APPL1: variants seen among roughly 807,000 people sequenced by gnomAD.
APPL1 encodes adaptor protein, phosphotyrosine interacting with PH domain and leucine zipper 1, also known as DCC-interacting protein 13-alpha.
Under a neutral mutation model 106.8 loss-of-function variants are expected in APPL1, and 42 were observed. The observed-to-expected ratio is 0.39, with a 90% CI of 0.31 to 0.51. The LOEUF (loss-of-function observed/expected upper bound fraction) is 0.51. APPL1 is among the 20% of genes least tolerant of loss of function. The pLI, the probability that APPL1 is intolerant of heterozygous loss-of-function variation, is 0.75. For missense variants in APPL1, 769 were observed against 858.2 expected (o/e 0.90, Z 1.30); for synonymous variants, 263 against 281.8 (o/e 0.93, Z 0.67).
At chr3:57,249,252 T>A in intron 10 of APPL1, 108 bp from the exon 11 acceptor site, 2 of 1,037,066 alleles carry the variant, frequency 1.9e-6, no homozygotes, top group Non-Finnish European at 1.4e-6. Context: ...GGCATCTTGG[T>A]GCCTCTTCGC....
At chr3:57,227,977 G>C in intron 1 of APPL1, 40 bp downstream of exon 1, 1 of 1,399,114 alleles carries the variant, frequency 7.1e-7, no homozygotes, top group African/African-American at 1.5e-5. Flanking sequence ...GGAGAGCCCA[G>C]CTGGCCGACC....
At position 57,227,733 on chromosome 3, in the gene APPL1, G is replaced by T. The variant is rs113307246; in HGVS notation, c.-151G>T. ...GCCGAGGGGGCGGGATTTCCCGCAC[G>T]GCCGCTCGGCGCCTGGAGAAGGCTG... On this transcript the variant is annotated 5_prime_UTR_variant, in exon 1 of 22. Transcript: ENST00000288266. 5.0e-6 allele frequency: 3 copies of T among 599,538 alleles called. No homozygotes were observed. Among genetic ancestry groups the T allele is most frequent in the African/African-American group, 2.0e-5 (1 of 51,078 alleles). The allele number at this position is 599,538 out of a possible 1,614,324, so 37.1% of individuals were successfully genotyped here. A position where few individuals can be genotyped will look rare whatever the true frequency, so the allele number is the denominator to read the frequency against.
In APPL1 at chr3:57,249,541, G is replaced by A; in HGVS notation, c.1045G>A (p.Gly349Arg). ...TTGTTTTCAGATCACCTCTTTCGAT[G>A]GAAAAAAGTTAGTATTTTTTTTCTA... ...RYCFQITSFD[G>R]KKSSILQAES... Residue 349 changes from glycine to arginine, a missense_variant, in exon 11 of 22, where the codon GGA (glycine) becomes AGA (arginine). Transcript: ENST00000288266. 1.3e-6 allele frequency: 2 copies of A among 1,557,800 alleles called. No homozygotes were observed. The highest frequency in any genetic ancestry group is 2.1e-5 in the Admixed American group (1 of 48,032).
At chr3:57,239,600 C>T (rs1364670714) in intron 4 of APPL1, among the ~76,000 whole-genome samples, 4 of 152,036 alleles carry the variant, frequency 2.6e-5, no homozygotes, top group African/African-American at 9.7e-5. Flanking sequence ...TTAACTAGTT[C>T]AAATAATGTT....
intron 15 of APPL1, 37 bp from the exon 16 acceptor site, chr3:57,258,991 C>G (rs369566048): frequency 3.3e-6 from 5 of 1,498,980 alleles, no homozygotes; most frequent in Non-Finnish European, 4.6e-6. Flanking sequence ...CTCATGGTAA[C>G]TGACCATGTG....
chr3:57,246,676 G>T (rs1318423937), intron 8 of APPL1, among the ~76,000 whole-genome samples: 1 of 152,100 alleles, frequency 6.6e-6, no homozygotes, highest in Non-Finnish European at 1.5e-5. Flanking sequence ...GGTAGTATAA[G>T]ACAAAGTGTC....
Position 57,242,911 on chromosome 3 carries a change from C to G in APPL1, c.471C>G (p.Asp157Glu), listed in dbSNP as rs1353676664. The G allele has an allele frequency of 1.9e-6, 3 of 1,608,594 alleles. No homozygotes were observed. The highest frequency in any genetic ancestry group is 2.6e-6 in the Non-Finnish European group (3 of 1,175,810). ...YSRLSKKRENDKVKYEVTEDV... is the reference protein window; with the variant it reads ...YSRLSKKRENEKVKYEVTEDV... ...GTTTATCAAAAAAAAGAGAAAATGA[C>G]AAGGTGTGGTACATATTTATTCCTT... The change falls in exon 7 of 22, where the codon GAC becomes GAG. Residue 157 changes from aspartate (D) to glutamate (E), a missense_variant. Coordinates refer to ENST00000288266, the MANE Select transcript of APPL1 (RefSeq NM_012096.3).
intron 7 of APPL1, among the ~76,000 whole-genome samples, chr3:57,244,063 T>C (rs957018685): frequency 1.3e-5 from 2 of 152,132 alleles, no homozygotes; most frequent in African/African-American, 4.8e-5. Flanking sequence ...AACTCTGTTA[T>C]TAGTTAAATA....
At chr3:57,237,282 C>T (rs1219324683) in intron 2 of APPL1, among the ~76,000 whole-genome samples, 3 of 152,172 alleles carry the variant, frequency 2.0e-5, no homozygotes, top group Non-Finnish European at 1.5e-5. Context: ...ACCAGGAACA[C>T]TGCTGAATTC....
intron 4 of APPL1, among the ~76,000 whole-genome samples, chr3:57,239,386 T>G (rs963830289): frequency 3.9e-5 from 6 of 152,242 alleles, no homozygotes; most frequent in African/African-American, 1.4e-4. Flanking sequence ...ACTCATAATT[T>G]TAGACTTCTT....
intron 8 of APPL1, 48 bp downstream of exon 8, chr3:57,246,270 A>G (rs1190652630): frequency 1.5e-6 from 2 of 1,346,602 alleles, no homozygotes; most frequent in Non-Finnish European, 2.0e-6. Context: ...AAAGTTTTAT[A>G]TTAAGCTTGA....
intron 19 of APPL1, among the ~76,000 whole-genome samples, chr3:57,261,677 C>T (rs1005091002): frequency 4.6e-5 from 7 of 152,094 alleles, no homozygotes; most frequent in Non-Finnish European, 7.4e-5. Context: ...TGCCACCATG[C>T]CCGGCTAATT....
intron 16 of APPL1, 195 bp from the exon 17 acceptor site, chr3:57,259,650 A>G (rs2060854859): frequency 2.0e-6 from 1 of 492,912 alleles, no homozygotes; most frequent in Admixed American, 3.9e-5. Flanking sequence ...TTGAAACCCT[A>G]ATTTTCCTAT....
At position 57,257,326 on chromosome 3, in the gene APPL1, T is replaced by C; in HGVS notation, c.1328T>C (p.Leu443Pro). ...SESTNLAALSLDSLVAPDTPI... is the reference protein window; with the variant it reads ...SESTNLAALSPDSLVAPDTPI... ...TCTACAAATTTGGCTGCCCTCTCTC[T>C]AGATTCTCTTGTTGCCCCAGACACC... is the stretch of plus-strand genomic sequence containing the variant. Residue 443 changes from leucine (L) to proline (P), a missense_variant, in exon 15 of 22, where the codon CTA becomes CCA. Leu to Pro is a moderately conservative substitution (Grantham distance 98). Coordinates refer to ENST00000288266, the MANE Select transcript of APPL1 (RefSeq NM_012096.3). 2 of 1,614,152 alleles carry C rather than the reference T, an allele frequency of 1.2e-6. No individual in the cohort carries two copies. The highest frequency in any genetic ancestry group is 1.7e-6 in the Non-Finnish European group (2 of 1,180,020).
At chr3:57,258,797 T>C (rs1355231965) in intron 15 of APPL1, 2 of 384,774 alleles carry the variant, frequency 5.2e-6, no homozygotes, top group Admixed American at 9.0e-5. Context: ...TGTGTATGTC[T>C]AAACTTCCAA....
intron 13 of APPL1, among the ~76,000 whole-genome samples, chr3:57,256,657 CAA>C (rs926434872): frequency 6.6e-6 from 1 of 151,846 alleles, no homozygotes; most frequent in African/African-American, 2.4e-5. Flanking sequence ...GTAAAGAAAA[CAA>C]TATTTTCTTT....
rs1352688688 is a variant in APPL1 at position 57,228,354 on chromosome 3, C to T, written c.54+417C>T. On this transcript the variant is annotated intron_variant, in intron 1 of 21. Coordinates refer to ENST00000288266, the MANE Select transcript of APPL1 (RefSeq NM_012096.3). The surrounding 1 kb of genome is among the most constrained non-coding windows in gnomAD (Gnocchi z 4.6). ...TAGTCTTATTTAATGATTTCCGAGG[C>T]TCAGCAAGCTAAGGAAGGAAATGGA... is the stretch of plus-strand genomic sequence containing the variant. 6.6e-6 allele frequency among the ~76,000 whole-genome samples: 1 copy of T among 152,220 alleles called. No individual in the cohort carries two copies. Among genetic ancestry groups the T allele is most frequent in the Non-Finnish European group, 1.5e-5 (1 of 68,040 alleles).
At chr3:57,253,556 C>T (rs1167190500) in intron 12 of APPL1, 126 bp from the exon 13 acceptor site, 3 of 656,894 alleles carry the variant, frequency 4.6e-6, no homozygotes, top group Non-Finnish European at 6.6e-6. Flanking sequence ...GAAATGTTTT[C>T]TTATAAGGAA....
At chr3:57,263,548 A>G (rs1283641699) in intron 19 of APPL1, among the ~76,000 whole-genome samples, 1 of 152,094 alleles carries the variant, frequency 6.6e-6, no homozygotes, top group Non-Finnish European at 1.5e-5. Flanking sequence ...GCTTAACATA[A>G]TGACCTCCAT....
Sources: allele counts gnomAD v4.1 joint callset (sites outside exome capture counted in the v4.1 genomes callset), GRCh38; gene constraint gnomAD v4.1.1; non-coding constraint Gnocchi (gnomAD v3.1); transcripts MANE v1.5; gene names NCBI Gene and HGNC (gene_info 2026-07-23, HGNC 2026-07-21).